Variants in PRELID2 observed in about 807,000 individuals in gnomAD.
PRELID2 encodes the protein PRELI domain containing 2.
In PRELID2, 25 loss-of-function variants were observed where a neutral mutation model predicts 28.4. That is an observed-to-expected ratio of 0.88 (90% confidence interval 0.64 to 1.23). The LOEUF is 1.23. Among genes scored for constraint, PRELID2 ranks in the 50% most tolerant of loss-of-function variants. The pLI is 0.00. For synonymous variants in PRELID2, 76 were observed against 71.6 expected (o/e 1.06, Z -0.31); for missense variants, 201 against 214.4 (o/e 0.94, Z 0.39).
the PRELID2 span, among the ~76,000 whole-genome samples, chr5:145,412,104 C>A: frequency 6.6e-6 from 1 of 152,130 alleles, no homozygotes; most frequent in African/African-American, 2.4e-5. Flanking sequence ...CTGTGAAGGT[C>A]TCTGACACGC....
intron 1 of PRELID2, among the ~76,000 whole-genome samples, chr5:145,830,538 T>C (rs2149890072): frequency 6.6e-6 from 1 of 152,326 alleles, no homozygotes; most frequent in South Asian, 2.1e-4. Flanking sequence ...TAGATGATTT[T>C]AAGTAAAAGG....
the PRELID2 span, among the ~76,000 whole-genome samples, chr5:145,260,733 A>T: frequency 6.6e-6 from 1 of 152,228 alleles, no homozygotes; most frequent in Non-Finnish European, 1.5e-5. Context: ...TGGATGGACA[A>T]AGCAGCATGT....
the PRELID2 span, among the ~76,000 whole-genome samples, chr5:145,302,387 C>T: frequency 3.2e-4 from 49 of 152,062 alleles, no homozygotes; most frequent in Non-Finnish European, 2.5e-4. Context: ...ATCTGCCCAC[C>T]TCGGTCTCCC....
At chr5:145,771,758 G>A (rs1406331582) in intron 5 of PRELID2, among the ~76,000 whole-genome samples, 2 of 152,128 alleles carry the variant, frequency 1.3e-5, no homozygotes, top group African/African-American at 2.4e-5. Flanking sequence ...GGGAGGCTGA[G>A]GCAGGAGAAT....
chr5:145,246,728 A>G, the PRELID2 span, among the ~76,000 whole-genome samples: 2 of 152,294 alleles, frequency 1.3e-5, no homozygotes, highest in East Asian at 3.9e-4. Flanking sequence ...CTTTGCAAAA[A>G]TGATAACTAA....
intron 1 of PRELID2, among the ~76,000 whole-genome samples, chr5:145,503,087 G>A (rs1752374047): frequency 6.6e-6 from 1 of 152,120 alleles, no homozygotes; most frequent in African/African-American, 2.4e-5. Context: ...CACAGGGGGT[G>A]GAGGCCTGGG....
At chr5:145,254,033 A>G in the PRELID2 span, among the ~76,000 whole-genome samples, 3 of 152,088 alleles carry the variant, frequency 2.0e-5, no homozygotes, top group African/African-American at 7.2e-5. Context: ...ACACATAACG[A>G]CAAGAAGGCA....
intron 1 of PRELID2, among the ~76,000 whole-genome samples, chr5:145,829,200 C>T (rs1755425519): frequency 6.6e-6 from 1 of 152,020 alleles, no homozygotes; most frequent in Admixed American, 6.6e-5. Context: ...CATGCCTGGC[C>T]AATATCTTCT....
the PRELID2 span, among the ~76,000 whole-genome samples, chr5:145,376,182 G>A: frequency 0.055 from 8,303 of 152,076 alleles, 288 homozygotes; most frequent in East Asian, 0.11. Flanking sequence ...TTCTCTTTAC[G>A]TGATGAATCA....
intron 1 of PRELID2, among the ~76,000 whole-genome samples, chr5:145,686,943 A>G (rs767150219): frequency 1.3e-5 from 2 of 152,204 alleles, no homozygotes; most frequent in Non-Finnish European, 2.9e-5. Flanking sequence ...CATTTTACCC[A>G]CATTTGATCT....
At chr5:145,330,747 G>T in the PRELID2 span, among the ~76,000 whole-genome samples, 1 of 151,756 alleles carries the variant, frequency 6.6e-6, no homozygotes, top group African/African-American at 2.4e-5. Flanking sequence ...TGATTTTTTT[G>T]AAAGGTTTTT....
the PRELID2 span, among the ~76,000 whole-genome samples, chr5:145,337,733 T>TCA: frequency 1.6e-3 from 154 of 96,088 alleles, 1 homozygote; most frequent in South Asian, 7.5e-3. Context: ...ATATATATAC[T>TCA]CACACACACA....
At chr5:145,386,632 G>C in the PRELID2 span, among the ~76,000 whole-genome samples, 268 of 152,234 alleles carry the variant, frequency 1.8e-3, 2 homozygotes, top group African/African-American at 6.2e-3. Context: ...TTATAGCAGT[G>C]TGAAAACAGA....
At chr5:145,567,771 C>T (rs1752980231) in intron 1 of PRELID2, among the ~76,000 whole-genome samples, 1 of 152,084 alleles carries the variant, frequency 6.6e-6, no homozygotes, top group African/African-American at 2.4e-5. Flanking sequence ...CTTTGCCTTC[C>T]ACCATGATTG....
At chr5:145,285,778 A>G in the PRELID2 span, among the ~76,000 whole-genome samples, 1 of 152,238 alleles carries the variant, frequency 6.6e-6, no homozygotes, top group African/African-American at 2.4e-5. Context: ...CATCCAACAA[A>G]GAGGTAGAAT....
chr5:145,553,719 C>T (rs183608646), intron 1 of PRELID2, among the ~76,000 whole-genome samples: 2 of 152,120 alleles, frequency 1.3e-5, no homozygotes, highest in African/African-American at 2.4e-5. Context: ...GGTTTTAGAT[C>T]AGATAATGTA....
At chr5:145,640,151 C>G (rs1022658778) in intron 1 of PRELID2, among the ~76,000 whole-genome samples, 9 of 152,180 alleles carry the variant, frequency 5.9e-5, no homozygotes, top group Admixed American at 1.3e-4. Flanking sequence ...AGGAAATTCA[C>G]TTGGAAAGGT....
At chr5:145,812,384 T>C (rs924204682) in intron 4 of PRELID2, among the ~76,000 whole-genome samples, 8 of 152,230 alleles carry the variant, frequency 5.3e-5, no homozygotes, top group African/African-American at 1.2e-4. Flanking sequence ...GCAGTGTCAC[T>C]GCCAACCGCT....
At chr5:145,683,540 C>A (rs1754978944) in intron 1 of PRELID2, among the ~76,000 whole-genome samples, 1 of 152,180 alleles carries the variant, frequency 6.6e-6, no homozygotes, top group African/African-American at 2.4e-5. Context: ...CACCTTCTCG[C>A]TATGTCCTCA....
Sources: gnomAD v4.1 joint callset for allele counts (sites outside exome capture counted in the v4.1 genomes callset) on GRCh38, gnomAD v4.1.1 for gene constraint, MANE v1.5 for transcripts, NCBI Gene and HGNC (gene_info 2026-07-23, HGNC 2026-07-21) for gene names.